The following COLEC10 variants were observed in gnomAD, a reference collection of about 807,000 sequenced individuals.
The protein encoded by COLEC10 is collectin-10.
Under a neutral mutation model 28.4 loss-of-function variants are expected in COLEC10, and 22 were observed. The ratio of observed to expected loss-of-function variants is 0.78; its 90% CI spans 0.55 to 1.11. The LOEUF (loss-of-function observed/expected upper bound fraction) is 1.11. Among genes scored for constraint, COLEC10 ranks in the 50% least tolerant of loss-of-function variants. COLEC10 has a pLI of 0.00. For missense variants in COLEC10, 361 were observed against 344.1 expected (o/e 1.05, Z -0.39); for synonymous variants, 125 against 116.1 (o/e 1.08, Z -0.49).
At chr8:118,957,749 T>C in the COLEC10 span, among the ~76,000 whole-genome samples, 1 of 152,184 alleles carries the variant, frequency 6.6e-6, no homozygotes, top group Non-Finnish European at 1.5e-5. Context: ...ACATTAAGAA[T>C]GAATTCTCTA....
intron 2 of COLEC10, among the ~76,000 whole-genome samples, chr8:119,013,131 C>A (rs144838178): frequency 6.7e-6 from 1 of 150,270 alleles, no homozygotes; most frequent in East Asian, 1.9e-4. Context: ...GCTTTTGTGG[C>A]ATTCCATGAA....
chr8:118,985,620 C>T, the COLEC10 span, among the ~76,000 whole-genome samples: 1 of 152,222 alleles, frequency 6.6e-6, no homozygotes, highest in Non-Finnish European at 1.5e-5. Flanking sequence ...GCTCAAGCCT[C>T]CTTCTCCCTC....
At chr8:119,024,326 A>C (rs1814150098) in intron 2 of COLEC10, among the ~76,000 whole-genome samples, 1 of 152,146 alleles carries the variant, frequency 6.6e-6, no homozygotes, top group Non-Finnish European at 1.5e-5. Context: ...ATAGGAAAAA[A>C]ACGTACTTTA....
chr8:119,085,538 A>C (rs112418288), intron 1 of COLEC10, among the ~76,000 whole-genome samples: 2 of 151,896 alleles, frequency 1.3e-5, no homozygotes, highest in Non-Finnish European at 2.9e-5. Context: ...TTAAGAAATC[A>C]CAACATACCA....
chr8:118,965,693 C>T, the COLEC10 span, among the ~76,000 whole-genome samples: 1 of 151,982 alleles, frequency 6.6e-6, no homozygotes, highest in Non-Finnish European at 1.5e-5. Context: ...AGGCCTCCAA[C>T]ACGGTCTTTC....
intron 1 of COLEC10, among the ~76,000 whole-genome samples, chr8:119,006,770 G>A (rs899149493): frequency 1.3e-5 from 2 of 151,802 alleles, no homozygotes; most frequent in Admixed American, 6.6e-5. Context: ...TGTATCACCT[G>A]TATAACTCCT....
intron 2 of COLEC10, among the ~76,000 whole-genome samples, chr8:119,053,416 C>G (rs1386175895): frequency 6.6e-6 from 1 of 152,120 alleles, no homozygotes; most frequent in African/African-American, 2.4e-5. Flanking sequence ...ATTATTACTC[C>G]TCAAAGCAGG....
chr8:119,002,662 C>A (rs1182899978), intron 1 of COLEC10, among the ~76,000 whole-genome samples: 3 of 152,050 alleles, frequency 2.0e-5, no homozygotes, highest in African/African-American at 4.8e-5. Flanking sequence ...TGACTAAATG[C>A]CTTCTAGCCA....
At chr8:119,007,433 G>T (rs1813824795) in intron 1 of COLEC10, among the ~76,000 whole-genome samples, 1 of 144,436 alleles carries the variant, frequency 6.9e-6, no homozygotes, top group African/African-American at 2.9e-5. Context: ...AGGTTCTTCT[G>T]TAAGGTTCTA....
the COLEC10 span, among the ~76,000 whole-genome samples, chr8:118,962,355 C>T: frequency 6.6e-6 from 1 of 152,192 alleles, no homozygotes; most frequent in Non-Finnish European, 1.5e-5. Flanking sequence ...AGATAAACGT[C>T]TAGTGTATTC....
At chr8:118,980,695 A>G in the COLEC10 span, among the ~76,000 whole-genome samples, 1 of 152,022 alleles carries the variant, frequency 6.6e-6, no homozygotes, top group African/African-American at 2.4e-5. Context: ...ACCATTTTCC[A>G]TATACTTAGA....
intron 1 of COLEC10, among the ~76,000 whole-genome samples, chr8:119,077,905 T>C (rs1467779082): frequency 6.6e-6 from 1 of 152,214 alleles, no homozygotes; most frequent in Admixed American, 6.5e-5. Flanking sequence ...TTTATTTTGT[T>C]CATGTTTCTG....
In COLEC10 at chr8:119,042,154, T is replaced by C. The variant is rs569842317; in HGVS notation, n.235+32601T>C. On this transcript the variant is annotated intron_variant and non_coding_transcript_variant, in intron 2 of 6. Coordinates refer to the COLEC10 transcript ENST00000521788. ...CTGGGATTACAGGAATGCACCACCA[T>C]GCCCAGCTAATTTTTGTATTTTTAG... 3.2e-3 allele frequency among the ~76,000 whole-genome samples: 483 copies of C among 150,978 alleles called. 1 individual carries two copies. The highest frequency in any genetic ancestry group is 0.011 in the African/African-American group (449 of 41,132).
chr8:118,987,465 G>A, the COLEC10 span, among the ~76,000 whole-genome samples: 1 of 152,138 alleles, frequency 6.6e-6, no homozygotes, highest in Non-Finnish European at 1.5e-5. Flanking sequence ...TTGGGAGGCT[G>A]AGGCATGAAA....
At chr8:119,095,371 C>T (rs951072990) in intron 3 of COLEC10, among the ~76,000 whole-genome samples, 5 of 152,092 alleles carry the variant, frequency 3.3e-5, no homozygotes, top group African/African-American at 9.7e-5. Context: ...CAGTTCTTTC[C>T]CAGATTGATC....
chr8:119,046,067 C>T (rs952446113), intron 2 of COLEC10, among the ~76,000 whole-genome samples: 2 of 152,118 alleles, frequency 1.3e-5, no homozygotes, highest in African/African-American at 2.4e-5. Flanking sequence ...TCAGTGGCCT[C>T]GCTGTGGCTT....
rs1472888687 is a variant in COLEC10, at chr8:119,103,811, G to T, written c.358G>T (p.Asp120Tyr). ...GEKGKAGTVCDCGRYRKFVGQ... is the reference protein window; with the variant it reads ...GEKGKAGTVCYCGRYRKFVGQ... Reference sequence around the variant, plus strand: ...TTGTCATTTAAAAGGTACTGTCTGTGATTGTGGAAGATACCGGAAATTTGT... The same window carrying T: ...TTGTCATTTAAAAGGTACTGTCTGTTATTGTGGAAGATACCGGAAATTTGT... The change falls in exon 5 of 6, where the codon GAT (aspartate) becomes TAT (tyrosine). Residue 120 changes from aspartate (D) to tyrosine (Y), a missense_variant. By Grantham distance (160) the Asp-to-Tyr change is radical. Around this residue, in one of 3 missense-constraint regions of COLEC10, gnomAD observed 335 missense variants for 308.5 expected, o/e 1.09. Transcript: ENST00000332843. 1.9e-6 allele frequency: 3 copies of T among 1,609,274 alleles called. No individual in the cohort carries two copies. Among genetic ancestry groups the T allele is most frequent in the Middle Eastern group, 3.3e-4 (2 of 6,042 alleles).
Position 119,051,276 on chromosome 8 carries a change from A to G in COLEC10, n.236-38404A>G, listed in dbSNP as rs542432784. 4.1e-3 allele frequency among the ~76,000 whole-genome samples: 620 copies of G among 152,344 alleles called. 2 individuals carry two copies. Among genetic ancestry groups the G allele is most frequent in the South Asian group, 0.011 (54 of 4,830 alleles). On this transcript the variant is annotated intron_variant and non_coding_transcript_variant, in intron 2 of 6. Transcript: ENST00000521788. ...CTGTTTCATGTGATATTTGGATTAC[A>G]ACTAACTTCCTTTTTTAGTGATAAA... is the stretch of plus-strand genomic sequence containing the variant.
chr8:118,993,390 T>C (rs1225808808), upstream of COLEC10, among the ~76,000 whole-genome samples: 1 of 152,186 alleles, frequency 6.6e-6, no homozygotes, highest in Admixed American at 6.6e-5. Flanking sequence ...GTTTCACTCT[T>C]GTTGCCCAGG....
Sources: gnomAD v4.1 joint callset for allele counts (sites outside exome capture counted in the v4.1 genomes callset) on GRCh38, gnomAD v4.1.1 for gene constraint, gnomAD v4.1.1 regional missense constraint, MANE v1.5 for transcripts, NCBI Gene and HGNC (gene_info 2026-07-23, HGNC 2026-07-21) for gene names.